The following RHOJ variants were observed in gnomAD, a reference collection of about 807,000 sequenced individuals.
RHOJ encodes rho-related GTP-binding protein RhoJ.
In RHOJ, 11 loss-of-function variants were observed where a neutral mutation model predicts 23.4. That is an observed-to-expected ratio of 0.47 (90% CI 0.30 to 0.78). The LOEUF (loss-of-function observed/expected upper bound fraction) is 0.78. Among genes scored for constraint, RHOJ ranks in the 30% least tolerant of loss-of-function variants. RHOJ has a pLI of 0.08. For missense variants in RHOJ, 254 were observed against 273.4 expected, an observed-to-expected ratio of 0.93 and a Z score of 0.50; for synonymous variants, 102 against 102.7, an observed-to-expected ratio of 0.99 and a Z score of 0.04.
intron 1 of RHOJ, among the ~76,000 whole-genome samples, chr14:63,224,999 C>CCGG (rs1894564323): frequency 6.7e-6 from 1 of 149,430 alleles, no homozygotes; most frequent in Non-Finnish European, 1.5e-5. Flanking sequence ...GTGGCCCAGG[C>CCGG]CGGAGTGCAG....
At chr14:63,244,850 T>C (rs1193958412) in intron 1 of RHOJ, among the ~76,000 whole-genome samples, 2 of 152,248 alleles carry the variant, frequency 1.3e-5, no homozygotes, top group African/African-American at 4.8e-5. Context: ...AGTTCTCAGG[T>C]AGGCAAAGGC....
At chr14:63,244,743 A>G (rs928961532) in intron 1 of RHOJ, among the ~76,000 whole-genome samples, 3 of 152,252 alleles carry the variant, frequency 2.0e-5, no homozygotes, top group East Asian at 1.9e-4. Context: ...TAAGATACCA[A>G]TTTCAAAAAC....
intron 1 of RHOJ, among the ~76,000 whole-genome samples, chr14:63,235,260 G>A (rs1012153205): frequency 6.6e-6 from 1 of 151,600 alleles, no homozygotes; most frequent in African/African-American, 2.4e-5. Context: ...TGAAGAGACA[G>A]CTATAGATTA....
chr14:63,280,983 C>G lies in RHOJ; in HGVS notation c.250C>G (p.Gln84Glu), dbSNP rs376348386. ...YDTAGQEDYN[Q>E]LRPLSYPNTD... The stretch of plus-strand genomic sequence containing the variant: ...GCTCTTCCCACAGGAGGACTACAAC[C>G]AGCTGAGGCCACTCTCCTACCCCAA... The change falls in exon 3 of 5, where the codon CAG (glutamine) becomes GAG (glutamate). Residue 84 changes from glutamine to glutamate, a missense_variant. Physicochemically the swap from Gln to Glu is conservative, Grantham distance 29. Transcript: ENST00000316754. The G allele has an allele frequency of 2.5e-6, 4 of 1,612,808 alleles. No homozygotes were observed. In the African/African-American group the frequency reaches 4.0e-5, roughly 16 times the overall value.
chr14:63,258,247 A>AAG (rs1555347369), intron 1 of RHOJ, among the ~76,000 whole-genome samples: 2 of 150,386 alleles, frequency 1.3e-5, no homozygotes, highest in African/African-American at 4.9e-5. Context: ...AAAAAAAAAA[A>AAG]AGGGCTATCA....
chr14:63,263,887 T>C (rs1404559773), intron 1 of RHOJ, among the ~76,000 whole-genome samples: 1 of 151,982 alleles, frequency 6.6e-6, no homozygotes, highest in African/African-American at 2.4e-5. Flanking sequence ...CCTGGGCAGC[T>C]CAGGACCACA....
At chr14:63,235,597 G>A (rs1894775188) in intron 1 of RHOJ, among the ~76,000 whole-genome samples, 2 of 152,092 alleles carry the variant, frequency 1.3e-5, no homozygotes, top group Non-Finnish European at 2.9e-5. Context: ...ATGTAGATGG[G>A]GGTCATAAGG....
At chr14:63,223,160 T>C (rs1300984341) in intron 1 of RHOJ, among the ~76,000 whole-genome samples, 1 of 152,200 alleles carries the variant, frequency 6.6e-6, no homozygotes, top group African/African-American at 2.4e-5. Flanking sequence ...GGAGGCACTT[T>C]CTCCAAGTTT....
chr14:63,285,159 G>A (rs1357335235), intron 4 of RHOJ, among the ~76,000 whole-genome samples: 5 of 152,090 alleles, frequency 3.3e-5, no homozygotes, highest in Admixed American at 2.6e-4. Context: ...GGTGCCAGGC[G>A]CCTTACAGCC....
At chr14:63,207,767 C>G (rs1894145973) in intron 1 of RHOJ, among the ~76,000 whole-genome samples, 1 of 152,180 alleles carries the variant, frequency 6.6e-6, no homozygotes, top group Non-Finnish European at 1.5e-5. Context: ...AGTTACTTAA[C>G]CTCTCTGTGC....
intron 2 of RHOJ, among the ~76,000 whole-genome samples, chr14:63,274,162 C>T (rs1274119841): frequency 6.6e-6 from 1 of 152,206 alleles, no homozygotes; most frequent in Non-Finnish European, 1.5e-5. Flanking sequence ...GAAGGACACA[C>T]ATAAGCCTTC....
intron 2 of RHOJ, among the ~76,000 whole-genome samples, chr14:63,280,761 C>T (rs879127467): frequency 6.6e-6 from 1 of 152,092 alleles, no homozygotes; most frequent in Non-Finnish European, 1.5e-5. Flanking sequence ...TAAGAAGGGG[C>T]AATACATAAT....
chr14:63,230,215 C>T (rs1894666029), intron 1 of RHOJ, among the ~76,000 whole-genome samples: 1 of 151,854 alleles, frequency 6.6e-6, no homozygotes, highest in African/African-American at 2.4e-5. Context: ...AGTCCAATTT[C>T]TATAGGTATC....
chr14:63,291,207 C>T lies in RHOJ; in HGVS notation c.*183C>T, dbSNP rs1218665237. On this transcript the variant is annotated 3_prime_UTR_variant, in exon 5 of 5. Coordinates refer to ENST00000316754, the MANE Select transcript of RHOJ (RefSeq NM_020663.5). ...TAGTCAGCCCACTGCCACGACCTCC[C>T]TGCCAGCCAGAAGCATCCGTACTGC... The T allele has an allele frequency of 1.5e-6, 1 of 689,234 alleles. No individual in the cohort carries two copies. The highest frequency in any genetic ancestry group is 2.6e-6 in the Non-Finnish European group (1 of 387,608). 42.7% of individuals were successfully genotyped at this position (689,234 alleles called of 1,614,324 possible). A position where few individuals can be genotyped will look rare whatever the true frequency, so the allele number is the denominator to read the frequency against.
chr14:63,285,879 ATCT>A (rs1882067690), intron 4 of RHOJ, among the ~76,000 whole-genome samples: 1 of 152,186 alleles, frequency 6.6e-6, no homozygotes, highest in Non-Finnish European at 1.5e-5. Context: ...TCTAAACATG[ATCT>A]TCTAAGTTCA....
At chr14:63,224,686 T>C (rs1894557386) in intron 1 of RHOJ, among the ~76,000 whole-genome samples, 1 of 152,224 alleles carries the variant, frequency 6.6e-6, no homozygotes, top group South Asian at 2.1e-4. Context: ...TACAGAATAA[T>C]TAATAAGCAC....
intron 4 of RHOJ, among the ~76,000 whole-genome samples, chr14:63,286,464 A>C (rs1348695957): frequency 6.6e-6 from 1 of 152,160 alleles, no homozygotes; most frequent in Non-Finnish European, 1.5e-5. Flanking sequence ...GGAGGGCATA[A>C]AATTCTAGAC....
chr14:63,207,181 G>T (rs143175445), intron 1 of RHOJ, among the ~76,000 whole-genome samples: 55 of 151,970 alleles, frequency 3.6e-4, no homozygotes, highest in African/African-American at 1.3e-3. Flanking sequence ...ACAGGCGCAC[G>T]CAACCATGCC....
intron 1 of RHOJ, among the ~76,000 whole-genome samples, chr14:63,247,852 C>T (rs1340846766): frequency 2.2e-4 from 33 of 152,178 alleles, no homozygotes; most frequent in Admixed American, 2.2e-3. Flanking sequence ...CACCGTTCCA[C>T]TAACCGGGGA....
Sources: gnomAD v4.1 joint callset for allele counts (sites outside exome capture counted in the v4.1 genomes callset) on GRCh38, gnomAD v4.1.1 for gene constraint, MANE v1.5 for transcripts, NCBI Gene and HGNC (gene_info 2026-07-23, HGNC 2026-07-21) for gene names.